WDR17: variants seen among roughly 807,000 people sequenced by gnomAD.
WDR17 encodes the protein WD repeat domain 17.
In WDR17, 143 loss-of-function variants were observed where a neutral mutation model predicts 161.7. The observed-to-expected ratio is 0.88, with a 90% CI of 0.77 to 1.02. The LOEUF (loss-of-function observed/expected upper bound fraction) is 1.02. Ranked by LOEUF, WDR17 falls within the 50% of genes least tolerant of loss-of-function variation. The pLI, the probability that WDR17 is intolerant of heterozygous loss-of-function variation, is 0.00. For missense variants in WDR17, 1,469 were observed against 1,520.9 expected, an observed-to-expected ratio of 0.97 and a Z score of 0.57; for synonymous variants, 517 against 515.6, an observed-to-expected ratio of 1.00 and a Z score of -0.04.
chr4:176,073,554 G>A (rs1287502520), intron 1 of WDR17, among the ~76,000 whole-genome samples: 15 of 151,334 alleles, frequency 9.9e-5, no homozygotes, highest in Admixed American at 4.0e-4. Flanking sequence ...GAATAGTGCC[G>A]CAATAAACAT....
chr4:176,080,968 C>T (rs778205123), intron 1 of WDR17, among the ~76,000 whole-genome samples: 10 of 94,210 alleles, frequency 1.1e-4, no homozygotes, highest in Non-Finnish European at 2.1e-4. Context: ...AGAGCTTTAT[C>T]GCTTTATCCC....
chr4:176,079,285 G>A (rs765176284), intron 1 of WDR17, among the ~76,000 whole-genome samples: 5 of 151,918 alleles, frequency 3.3e-5, no homozygotes, highest in East Asian at 1.9e-4. Flanking sequence ...TGGACTTTAC[G>A]TTTGATCCTA....
At chr4:176,099,091 A>C (rs1737379126) in intron 1 of WDR17, among the ~76,000 whole-genome samples, 1 of 152,292 alleles carries the variant, frequency 6.6e-6, no homozygotes, top group Non-Finnish European at 1.5e-5. Context: ...TTTTTAATAA[A>C]TAAGCAGAGA....
intron 12 of WDR17, among the ~76,000 whole-genome samples, chr4:176,146,960 G>A (rs138076565): frequency 7.9e-5 from 12 of 151,942 alleles, no homozygotes; most frequent in African/African-American, 2.4e-4. Flanking sequence ...TCTGCCTCCC[G>A]GGTTCAAGCT....
intron 1 of WDR17, among the ~76,000 whole-genome samples, chr4:176,072,529 T>G (rs1273818797): frequency 1.3e-5 from 2 of 152,224 alleles, no homozygotes; most frequent in African/African-American, 2.4e-5. Flanking sequence ...TTCTTGATAA[T>G]GTATGTTGCT....
chr4:176,157,734 T>C (rs1226979662), intron 18 of WDR17, among the ~76,000 whole-genome samples: 1 of 152,270 alleles, frequency 6.6e-6, no homozygotes, highest in Non-Finnish European at 1.5e-5. Context: ...ATGTGATTAT[T>C]GACATATTTT....
chr4:176,104,797 A>G (rs1229052418), intron 1 of WDR17, among the ~76,000 whole-genome samples: 1 of 152,058 alleles, frequency 6.6e-6, no homozygotes, highest in African/African-American at 2.4e-5. Flanking sequence ...ACTAAACACA[A>G]AAGACAAAAG....
At chr4:176,140,162 G>A (rs147481459) in intron 10 of WDR17, among the ~76,000 whole-genome samples, 188 bp downstream of exon 10, 67 of 151,916 alleles carry the variant, frequency 4.4e-4, no homozygotes, top group African/African-American at 1.5e-3. Context: ...ACAATGCAAG[G>A]GTATTTAAAA....
intron 1 of WDR17, 59 bp from the exon 2 acceptor site, chr4:176,111,516 A>C: frequency 6.4e-7 from 1 of 1,556,182 alleles, no homozygotes; most frequent in East Asian, 2.3e-5. Flanking sequence ...GATGTAAAAC[A>C]ATGAGGAAGT....
At chr4:176,104,350 TACATGG>T (rs1738328346) in intron 1 of WDR17, among the ~76,000 whole-genome samples, 1 of 152,016 alleles carries the variant, frequency 6.6e-6, no homozygotes, top group East Asian at 1.9e-4. Flanking sequence ...TAAAGGTAAA[TACATGG>T]ACAATTATAA....
At chr4:176,155,543 G>GGGTTTTTTTTT (rs1747933815) in intron 17 of WDR17, among the ~76,000 whole-genome samples, 1 of 103,572 alleles carries the variant, frequency 9.7e-6, no homozygotes, top group African/African-American at 3.4e-5. Context: ...TTATTTGTTT[G>GGGTTTTTTTTT]TGTTTTTTTT....
chr4:176,096,458 T>A, intron 1 of WDR17: 2 of 1,367,840 alleles, frequency 1.5e-6, no homozygotes, highest in South Asian at 2.5e-5. Context: ...TTGTTGTTAC[T>A]TTAGGTGCTG....
At chr4:176,092,459 A>G (rs1736253025) in intron 1 of WDR17, among the ~76,000 whole-genome samples, 1 of 152,170 alleles carries the variant, frequency 6.6e-6, no homozygotes, top group African/African-American at 2.4e-5. Context: ...AATAAAAGCT[A>G]TATACATACT....
chr4:176,170,883 T>C (rs1383445193), intron 23 of WDR17, among the ~76,000 whole-genome samples: 1 of 152,170 alleles, frequency 6.6e-6, no homozygotes, highest in African/African-American at 2.4e-5. Context: ...AAATCTATCA[T>C]AAGTCAAAAA....
intron 27 of WDR17, 120 bp downstream of exon 27, chr4:176,177,276 C>A: frequency 2.9e-6 from 3 of 1,024,892 alleles, no homozygotes; most frequent in Non-Finnish European, 2.9e-6. Flanking sequence ...ATTTGTTTGG[C>A]ATATATGCAG....
chr4:176,179,137 G>A (rs564760120), intron 28 of WDR17, among the ~76,000 whole-genome samples: 10 of 152,234 alleles, frequency 6.6e-5, no homozygotes, highest in Admixed American at 6.5e-4. Context: ...TGCTTTTATA[G>A]AATAGGTAAA....
intron 8 of WDR17, among the ~76,000 whole-genome samples, chr4:176,135,862 C>T (rs931242638): frequency 6.6e-6 from 1 of 151,552 alleles, no homozygotes; most frequent in African/African-American, 2.4e-5. Flanking sequence ...ATGAATTTTT[C>T]ACTTTTAAAG....
intron 6 of WDR17, among the ~76,000 whole-genome samples, chr4:176,129,435 A>G (rs957537700): frequency 1.3e-5 from 2 of 152,124 alleles, no homozygotes; most frequent in African/African-American, 2.4e-5. Context: ...CACTTAATTT[A>G]TAAAAAGGAA....
intron 22 of WDR17, among the ~76,000 whole-genome samples, chr4:176,165,324 A>G (rs909969557): frequency 1.6e-4 from 24 of 152,230 alleles, no homozygotes; most frequent in African/African-American, 5.3e-4. Flanking sequence ...AGCCAAGATC[A>G]TGCCACTGCA....
Sources: gnomAD v4.1 joint callset for allele counts (sites outside exome capture counted in the v4.1 genomes callset) on GRCh38, gnomAD v4.1.1 for gene constraint, MANE v1.5 for transcripts, NCBI Gene and HGNC (gene_info 2026-07-23, HGNC 2026-07-21) for gene names.